The following ADGRL2 variants were observed in gnomAD, a reference collection of about 807,000 sequenced individuals.
ADGRL2 encodes calcium-independent alpha-latrotoxin receptor 2.
A neutral mutation model predicts 157.4 loss-of-function variants in ADGRL2; 44 were observed. The ratio of observed to expected loss-of-function variants is 0.28; its 90% CI spans 0.22 to 0.36. ADGRL2 has a LOEUF of 0.36. Ranked by LOEUF, ADGRL2 falls within the 10% of genes least tolerant of loss-of-function variation. The pLI is 1.00. For synonymous variants in ADGRL2, 585 were observed against 624.7 expected (o/e 0.94, Z 0.95); for missense variants, 1,510 against 1,768.9 (o/e 0.85, Z 2.63).
intron 1 of ADGRL2, among the ~76,000 whole-genome samples, chr1:81,444,792 GTT>G (rs2077571312): frequency 6.6e-6 from 1 of 152,148 alleles, no homozygotes; most frequent in Non-Finnish European, 1.5e-5. Flanking sequence ...TCCAGGAATC[GTT>G]TTAGATCTTT....
chr1:81,403,559 C>A (rs1246573008), intron 1 of ADGRL2, among the ~76,000 whole-genome samples: 2 of 151,758 alleles, frequency 1.3e-5, no homozygotes, highest in Admixed American at 1.3e-4. Context: ...AGTCACCGTG[C>A]CTGGCCATAA....
At chr1:81,834,512 G>A (rs984961537) in intron 1 of ADGRL2, among the ~76,000 whole-genome samples, 1 of 152,058 alleles carries the variant, frequency 6.6e-6, no homozygotes, top group African/African-American at 2.4e-5. Context: ...GCTGATTGTG[G>A]TTTGTTAGGT....
At chr1:81,802,907 G>T (rs559754995) in intron 1 of ADGRL2, among the ~76,000 whole-genome samples, 6 of 152,160 alleles carry the variant, frequency 3.9e-5, no homozygotes, top group African/African-American at 9.6e-5. Flanking sequence ...GGCCGCCGCC[G>T]GGACTGGCTA....
intron 1 of ADGRL2, among the ~76,000 whole-genome samples, chr1:81,316,797 T>C (rs1570599335): frequency 6.6e-6 from 1 of 152,204 alleles, no homozygotes; most frequent in Admixed American, 6.5e-5. Context: ...TGTATGTACC[T>C]ATACTCATGC....
intron 1 of ADGRL2, among the ~76,000 whole-genome samples, chr1:81,333,397 TA>T (rs1047079204): frequency 1.4e-5 from 2 of 141,848 alleles, no homozygotes; most frequent in African/African-American, 5.5e-5. Flanking sequence ...ACTTTTTAAT[TA>T]ATTAATTAAT....
At chr1:81,808,121 A>G (rs2089400339) in intron 1 of ADGRL2, among the ~76,000 whole-genome samples, 1 of 152,016 alleles carries the variant, frequency 6.6e-6, no homozygotes, top group Admixed American at 6.6e-5. Flanking sequence ...AGCAAGTTTA[A>G]ATACAATTTG....
chr1:81,737,918 T>C (rs1296730956), intron 1 of ADGRL2, among the ~76,000 whole-genome samples: 2 of 152,220 alleles, frequency 1.3e-5, no homozygotes. Context: ...ACTTACCCCA[T>C]AAAATACTTT....
At chr1:81,463,091 G>A (rs2101817387) in intron 2 of ADGRL2, among the ~76,000 whole-genome samples, 1 of 147,724 alleles carries the variant, frequency 6.8e-6, no homozygotes, top group Admixed American at 6.9e-5. Context: ...TTCCGGCCTG[G>A]GCAATAGAGT....
intron 2 of ADGRL2, chr1:81,501,717 G>A: frequency 1.2e-6 from 2 of 1,603,668 alleles, no homozygotes. Context: ...TGCCTGGTGG[G>A]CTGTGCCCAG....
At chr1:81,729,780 A>G (rs1200768419) in intron 1 of ADGRL2, among the ~76,000 whole-genome samples, 1 of 152,252 alleles carries the variant, frequency 6.6e-6, no homozygotes, top group Admixed American at 6.5e-5. Flanking sequence ...ATGAACAATA[A>G]ACTATTTAAA....
chr1:81,789,990 G>T (rs1033444887), intron 2 of ADGRL2, among the ~76,000 whole-genome samples: 3 of 152,120 alleles, frequency 2.0e-5, no homozygotes, highest in Non-Finnish European at 4.4e-5. Flanking sequence ...ATTTGTCGAA[G>T]ATGTTTTTCC....
rs10556401 is a variant in ADGRL2 at position 81,747,701 on chromosome 1, TTGTGTGTGTG to T, written c.-142-14084_-142-14075del. On this transcript the variant is annotated intron_variant, in intron 1 of 20. Transcript: ENST00000359929. ...TGAAAAATAATTTTTCCTTTAATGTTTGTGTGTGTGTGTGTGTGTGTGTGTGTGTGTGTGT... is the reference window on the plus strand; with the variant it reads ...TGAAAAATAATTTTTCCTTTAATGTTTGTGTGTGTGTGTGTGTGTGTGTGT... 1.7e-3 allele frequency among the ~76,000 whole-genome samples: 250 copies of T among 147,344 alleles called. 2 individuals carry two copies. The highest frequency in any genetic ancestry group is 7.6e-3 in the South Asian group (35 of 4,622).
intron 1 of ADGRL2, chr1:81,721,569 A>C: frequency 2.0e-6 from 1 of 501,714 alleles, no homozygotes; most frequent in African/African-American, 2.0e-5. Context: ...CAGCCTAGGC[A>C]ACATGGCAAA....
rs2094582635 is a variant in ADGRL2 at position 81,906,273 on chromosome 1, G to T, written c.74-744G>T. On this transcript the variant is annotated intron_variant, in intron 2 of 23. Transcript: ENST00000686636. ...CACCTTTAGTTTTCTCTGAAGAACT[G>T]AGAGTTCAGCCAGGTTTGAAAATTG... Among the ~76,000 whole-genome samples the T allele has an allele frequency of 2.6e-5, 4 of 152,252 alleles. No homozygotes were observed. In the South Asian group the frequency reaches 8.3e-4, roughly 32 times the overall value.
intron 1 of ADGRL2, among the ~76,000 whole-genome samples, chr1:81,704,304 G>A (rs2083664397): frequency 6.6e-6 from 1 of 152,196 alleles, no homozygotes. Context: ...TAGGATAGGT[G>A]CATTCTTAGG....
chr1:81,984,386 G>C (rs964774503), intron 19 of ADGRL2, 197 bp from the exon 20 acceptor site: 7 of 480,862 alleles, frequency 1.5e-5, no homozygotes, highest in Admixed American at 3.6e-5. Context: ...AGCCAGTCTA[G>C]TGGACAGAGA....
intron 1 of ADGRL2, among the ~76,000 whole-genome samples, chr1:81,309,540 T>G (rs1307747214): frequency 6.6e-6 from 1 of 152,082 alleles, no homozygotes; most frequent in Non-Finnish European, 1.5e-5. Context: ...CCCCCACAAA[T>G]AGCAAAAGTG....
intron 1 of ADGRL2, among the ~76,000 whole-genome samples, chr1:81,385,823 T>C (rs1215954297): frequency 6.6e-6 from 1 of 152,148 alleles, no homozygotes; most frequent in African/African-American, 2.4e-5. Flanking sequence ...GAAACAATTC[T>C]AGCTTTCAAA....
At chr1:81,807,692 A>G (rs2089333568) in intron 1 of ADGRL2, among the ~76,000 whole-genome samples, 1 of 151,860 alleles carries the variant, frequency 6.6e-6, no homozygotes, top group Non-Finnish European at 1.5e-5. Flanking sequence ...TTTACTCAGG[A>G]CTTTAATTTG....
Sources: gnomAD v4.1 joint callset for allele counts (sites outside exome capture counted in the v4.1 genomes callset) on GRCh38, gnomAD v4.1.1 for gene constraint, MANE v1.5 for transcripts, NCBI Gene and HGNC (gene_info 2026-07-23, HGNC 2026-07-21) for gene names.